The following TIAM2 variants were observed in gnomAD, a reference collection of about 807,000 sequenced individuals.
TIAM2 encodes rho guanine nucleotide exchange factor TIAM2.
Under a neutral mutation model 152.9 loss-of-function variants are expected in TIAM2, and 80 were observed. The ratio of observed to expected loss-of-function variants is 0.52; its 90% CI spans 0.44 to 0.63. The LOEUF (loss-of-function observed/expected upper bound fraction) is 0.63, where lower values mean the gene tolerates loss of function less well. Among genes scored for constraint, TIAM2 ranks in the 30% least tolerant of loss-of-function variants. The pLI is 0.00. For missense variants in TIAM2, 1,965 were observed against 2,120.1 expected (o/e 0.93, Z 1.44); for synonymous variants, 804 against 838.0 (o/e 0.96, Z 0.70).
chr6:155,019,320 C>G (rs1281542027), intron 1 of TIAM2, among the ~76,000 whole-genome samples: 3 of 151,182 alleles, frequency 2.0e-5, no homozygotes, highest in African/African-American at 7.3e-5. Flanking sequence ...GGCCACAGAG[C>G]TAGACTCCAT....
intron 15 of TIAM2, among the ~76,000 whole-genome samples, chr6:155,234,538 G>A (rs561383993): frequency 2.0e-5 from 3 of 152,348 alleles, no homozygotes; most frequent in African/African-American, 7.2e-5. Context: ...GAGTAGCTGG[G>A]ACCATAGGCG....
At chr6:155,242,823 C>A (rs2115318802) in intron 16 of TIAM2, among the ~76,000 whole-genome samples, 1 of 152,292 alleles carries the variant, frequency 6.6e-6, no homozygotes, top group African/African-American at 2.4e-5. Flanking sequence ...GCAACCTCCA[C>A]CTCCTGAGTT....
chr6:155,144,609 G>A lies in TIAM2; in HGVS notation c.1634G>A (p.Cys545Tyr), dbSNP rs1779782809. 2 of 1,525,878 alleles carry A rather than the reference G, an allele frequency of 1.3e-6. No homozygotes were observed. The highest frequency in any genetic ancestry group is 2.4e-5 in the Admixed American group (1 of 42,244). 94.5% of individuals were successfully genotyped at this position (1,525,878 alleles called of 1,614,324 possible). A position where few individuals can be genotyped will look rare whatever the true frequency, so the allele number is the denominator to read the frequency against. Residue 545 changes from cysteine (C) to tyrosine (Y), a missense_variant, in exon 6 of 27, where the codon TGC (cysteine) becomes TAC (tyrosine). Transcript: ENST00000682666. ...WKQYWVTLKG[C>Y]TLLFYETYGK... Reference sequence around the variant, plus strand: ...ATTTTGCTTCTCTGTTTCACAGGATGCACGCTGCTGTTTTATGAGACCTAT... The same window carrying A: ...ATTTTGCTTCTCTGTTTCACAGGATACACGCTGCTGTTTTATGAGACCTAT...
intron 15 of TIAM2, among the ~76,000 whole-genome samples, chr6:155,212,475 T>C (rs888778362): frequency 9.2e-5 from 14 of 152,248 alleles, no homozygotes; most frequent in African/African-American, 2.2e-4. Context: ...TTTGAAATTA[T>C]AAGTCTTCTG....
chr6:155,192,763 T>C (rs1386156810), intron 14 of TIAM2, among the ~76,000 whole-genome samples: 1 of 152,206 alleles, frequency 6.6e-6, no homozygotes, highest in East Asian at 1.9e-4. Context: ...TTGCAGTGTA[T>C]TGCTTTGGTG....
At chr6:155,198,666 CAAAAAAAA>C (rs10626644) in intron 14 of TIAM2, among the ~76,000 whole-genome samples, 6 of 70,318 alleles carry the variant, frequency 8.5e-5, no homozygotes, top group South Asian at 5.7e-4. Flanking sequence ...GAGCAAATCT[CAAAAAAAA>C]AAAAAAAAAA....
intron 1 of TIAM2, among the ~76,000 whole-genome samples, chr6:155,019,859 C>T (rs561811388): frequency 6.6e-6 from 1 of 152,232 alleles, no homozygotes; most frequent in Admixed American, 6.5e-5. Flanking sequence ...TTGAGACCAT[C>T]CTGGCCAACA....
chr6:155,249,949 C>G lies in TIAM2; in HGVS notation c.3931C>G (p.Gln1311Glu). 1 of 1,613,338 alleles carries G rather than the reference C, an allele frequency of 6.2e-7. No individual in the cohort carries two copies. Reference protein sequence around the residue: ...GTVFDQLVAEQSGTEKEVTEL... With the variant: ...GTVFDQLVAEESGTEKEVTEL... ...CGTGTTTGACCAGCTAGTAGCTGAG[C>G]AGAGCGGAACAGAGAAGGAGGTCCG... The change falls in exon 21 of 27, where the codon CAG (glutamine) becomes GAG (glutamate). Residue 1311 changes from glutamine (Q) to glutamate (E), a missense_variant. Around this residue, in one of 3 missense-constraint regions of TIAM2, gnomAD observed 935 missense variants for 980.0 expected, o/e 0.95. Transcript: ENST00000682666.
At chr6:155,114,035 TATTTTTTTTTTTTTC>T (rs1778936231) in intron 2 of TIAM2, among the ~76,000 whole-genome samples, 3 of 45,676 alleles carry the variant, frequency 6.6e-5, no homozygotes, top group African/African-American at 2.9e-4. Context: ...TATATATATA[TATTTTTTTTTTTTTC>T]TTTTTTTTTT....
intron 1 of TIAM2, among the ~76,000 whole-genome samples, chr6:155,006,577 A>T (rs557800088): frequency 3.0e-4 from 45 of 151,282 alleles, no homozygotes; most frequent in African/African-American, 9.7e-4. Context: ...GAGGTGGGAG[A>T]ATCTCTTGAA....
chr6:155,034,379 T>C (rs1362843158), intron 1 of TIAM2, among the ~76,000 whole-genome samples: 1 of 152,102 alleles, frequency 6.6e-6, no homozygotes, highest in Non-Finnish European at 1.5e-5. Context: ...GCCTCCCAAG[T>C]AGCTGGGATT....
rs199969246 is a variant in TIAM2 at position 155,137,212 on chromosome 6, C to T, written c.1230C>T (p.Asp410=). 5.0e-5 allele frequency: 80 copies of T among 1,613,878 alleles called. No homozygotes were observed. The highest frequency in any genetic ancestry group is 6.7e-5 in the Non-Finnish European group (79 of 1,179,900). The part of the protein sequence containing the change: ...PRSKEGSDYF[D]SRSDGLNTDV... The stretch of plus-strand genomic sequence containing the variant: ...CCAAGGAGGGCAGTGACTACTTTGA[C>T]AGTCGCTCTGATGGACTGAATACAG... Residue 410 remains aspartate (D), a synonymous_variant, in exon 5 of 27, where the codon GAC becomes GAT. Transcript: ENST00000682666.
intron 8 of TIAM2, 62 bp from the exon 9 acceptor site, chr6:155,165,201 C>T (rs1255119258): frequency 2.0e-6 from 3 of 1,518,632 alleles, no homozygotes; most frequent in Non-Finnish European, 2.7e-6. Flanking sequence ...TCACTTCCTT[C>T]ATTTTTTCTG....
chr6:155,123,825 G>A (rs1296656729), intron 2 of TIAM2, among the ~76,000 whole-genome samples: 6 of 152,140 alleles, frequency 3.9e-5, no homozygotes, highest in African/African-American at 9.7e-5. Flanking sequence ...CAGTGTCTTC[G>A]CTGGACCTTG....
chr6:155,048,745 C>T (rs1777258395), intron 1 of TIAM2, among the ~76,000 whole-genome samples: 1 of 151,730 alleles, frequency 6.6e-6, no homozygotes. Flanking sequence ...AACAAAGAAA[C>T]AAACTCAGTG....
At chr6:155,018,157 G>C (rs1396856225) in intron 1 of TIAM2, among the ~76,000 whole-genome samples, 2 of 151,238 alleles carry the variant, frequency 1.3e-5, no homozygotes, top group African/African-American at 4.9e-5. Context: ...AGGATCACTT[G>C]AGCCCATGAG....
At chr6:155,128,655 T>TGC (rs1779355585) in intron 3 of TIAM2, among the ~76,000 whole-genome samples, 1 of 149,708 alleles carries the variant, frequency 6.7e-6, no homozygotes, top group African/African-American at 2.5e-5. Flanking sequence ...AGCCCAGGAG[T>TGC]TCAAGACCAG....
chr6:155,175,289 C>A (rs1354207110), intron 9 of TIAM2, among the ~76,000 whole-genome samples: 1 of 152,198 alleles, frequency 6.6e-6, no homozygotes, highest in Non-Finnish European at 1.5e-5. Flanking sequence ...ACAGATTTTT[C>A]CCTTGCTTTC....
At chr6:154,998,313 A>G (rs1448324288) in intron 1 of TIAM2, among the ~76,000 whole-genome samples, 1 of 152,234 alleles carries the variant, frequency 6.6e-6, no homozygotes, top group African/African-American at 2.4e-5. Context: ...GCCGTTTTGT[A>G]TATAAGAATT....
Sources: allele counts gnomAD v4.1 joint callset (sites outside exome capture counted in the v4.1 genomes callset), GRCh38; gene constraint gnomAD v4.1.1; regional missense constraint gnomAD v4.1.1; transcripts MANE v1.5; gene names NCBI Gene and HGNC (gene_info 2026-07-23, HGNC 2026-07-21).